The following DYSF variants were observed in gnomAD, a reference collection of about 807,000 sequenced individuals.
DYSF encodes the protein dystrophy-associated fer-1-like 1.
Under a neutral mutation model 274.9 loss-of-function variants are expected in DYSF, and 212 were observed. The ratio of observed to expected loss-of-function variants is 0.77; its 90% CI spans 0.69 to 0.86. The LOEUF (loss-of-function observed/expected upper bound fraction) is 0.86. Ranked by LOEUF, DYSF falls within the 40% of genes least tolerant of loss-of-function variation. The probability of loss-of-function intolerance (pLI) is 0.00; values close to 1 mark genes in which losing one functional copy is unlikely to be tolerated. For missense variants in DYSF, 2,666 were observed against 2,783.2 expected (o/e 0.96, Z 0.95); for synonymous variants, 1,091 against 1,078.7 (o/e 1.01, Z -0.22).
intron 3 of DYSF, among the ~76,000 whole-genome samples, chr2:71,489,960 A>G (rs2083686000): frequency 6.6e-6 from 1 of 152,172 alleles, no homozygotes; most frequent in Non-Finnish European, 1.5e-5. Flanking sequence ...AAATAATATA[A>G]TGCATGTGTG....
At chr2:71,496,551 C>T (rs78336103) in intron 3 of DYSF, among the ~76,000 whole-genome samples, 1,664 of 152,126 alleles carry the variant, frequency 0.011, 17 homozygotes, top group Non-Finnish European at 0.013. Flanking sequence ...GTCTATGTAC[C>T]GACATAGACG....
intron 1 of DYSF, among the ~76,000 whole-genome samples, chr2:71,472,627 G>C (rs369505749): frequency 3.5e-3 from 534 of 152,206 alleles, no homozygotes; most frequent in African/African-American, 6.0e-3. Flanking sequence ...AGGATGGTCT[G>C]GATCTCCTGA....
chr2:71,520,789 G>T lies in DYSF; in HGVS notation c.1034G>T (p.Arg345Leu), dbSNP rs1295378891. 6.2e-7 allele frequency: 1 copy of T among 1,613,768 alleles called. No homozygotes were observed. Among genetic ancestry groups the T allele is most frequent in the Non-Finnish European group, 8.5e-7 (1 of 1,179,868 alleles). Residue 345 changes from arginine to leucine, a missense_variant and splice_region_variant, in exon 12 of 56, where the codon CGG (arginine) becomes CTG (leucine). Physicochemically the swap from Arg to Leu is moderately radical, Grantham distance 102 (BLOSUM62 -2). This residue lies in a region of DYSF where 794 missense variants were observed against 777.1 expected (regional missense o/e 1.02). Transcript: ENST00000410020. ...CACCAGAGGATGTTGTCTCTCTTAG[G>T]GCACGCCTATCTCAGGAAGTGGCTG... ...MDVGTIYREP[R>L]HAYLRKWLLL...
chr2:71,613,498 A>G, intron 40 of DYSF, 88 bp downstream of exon 40: 1 of 1,142,434 alleles, frequency 8.8e-7, no homozygotes, highest in African/African-American at 1.5e-5. Context: ...ACCCTTCATT[A>G]TCACACAGCC....
At chr2:71,677,535 A>G (rs1008097537) in intron 52 of DYSF, among the ~76,000 whole-genome samples, 1 of 152,188 alleles carries the variant, frequency 6.6e-6, no homozygotes, top group African/African-American at 2.4e-5. Flanking sequence ...ATCCTGGGAG[A>G]TGATAGATAA....
intron 55 of DYSF, among the ~76,000 whole-genome samples, chr2:71,683,268 TC>T (rs1230332413): frequency 2.9e-4 from 44 of 152,214 alleles, no homozygotes; most frequent in African/African-American, 1.0e-3. Context: ...CATTTGGGTT[TC>T]CTTTCACTTG....
intron 32 of DYSF, among the ~76,000 whole-genome samples, chr2:71,594,653 T>C (rs2093357284): frequency 6.6e-6 from 1 of 152,090 alleles, no homozygotes; most frequent in Non-Finnish European, 1.5e-5. Flanking sequence ...CTTCATCCCC[T>C]CAGCCAGACC....
At chr2:71,668,224 CT>C (rs2095052681) in intron 48 of DYSF, among the ~76,000 whole-genome samples, 1 of 152,204 alleles carries the variant, frequency 6.6e-6, no homozygotes, top group African/African-American at 2.4e-5. Flanking sequence ...GGCTACCGGC[CT>C]CCCCAAAGTG....
intron 30 of DYSF, chr2:71,576,242 C>A (rs994957109): frequency 6.5e-5 from 10 of 152,872 alleles, no homozygotes; most frequent in African/African-American, 1.9e-4. Context: ...AAAACAAAAA[C>A]CAAAGCAATG....
At chr2:71,472,956 G>A (rs565738648) in intron 1 of DYSF, among the ~76,000 whole-genome samples, 23 of 152,238 alleles carry the variant, frequency 1.5e-4, no homozygotes, top group African/African-American at 5.3e-4. Context: ...ATCTTCCCCA[G>A]TTCTAATGTA....
intron 3 of DYSF, among the ~76,000 whole-genome samples, chr2:71,489,694 C>T (rs902751764): frequency 3.3e-5 from 5 of 152,182 alleles, no homozygotes; most frequent in African/African-American, 1.2e-4. Context: ...GCCTGTCTCC[C>T]ACACCTGGAG....
At position 71,466,859 on chromosome 2, in the gene DYSF, T is replaced by C; in HGVS notation, c.17T>C (p.Leu6Pro). The C allele has an allele frequency of 6.5e-7, 1 of 1,542,570 alleles. No homozygotes were observed. The highest frequency in any genetic ancestry group is 8.8e-7 in the Non-Finnish European group (1 of 1,140,228). ...TGCCCAGCCATGCTGTGCTGCCTGC[T>C]GGTGAGGGCCAGCAACCTCCCCAGT... is the stretch of plus-strand genomic sequence containing the variant. The part of the protein sequence containing the change: MLCCL[L>P]VRASNLPSAK... Residue 6 changes from leucine to proline, a missense_variant, in exon 1 of 56, where the codon CTG becomes CCG. Transcript: ENST00000410020.
chr2:71,634,324 G>A (rs1471552210), intron 41 of DYSF, among the ~76,000 whole-genome samples: 1 of 152,228 alleles, frequency 6.6e-6, no homozygotes, highest in Non-Finnish European at 1.5e-5. Context: ...TTTGGAATGA[G>A]AAAACATACC....
intron 51 of DYSF, among the ~76,000 whole-genome samples, chr2:71,673,226 T>C (rs2095161035): frequency 6.6e-6 from 1 of 152,192 alleles, no homozygotes; most frequent in Admixed American, 6.5e-5. Flanking sequence ...AGAACAAGAC[T>C]GCGCTGGAAA....
chr2:71,678,885 A>C (rs2095259803), intron 52 of DYSF, among the ~76,000 whole-genome samples, 172 bp from the exon 53 acceptor site: 1 of 152,106 alleles, frequency 6.6e-6, no homozygotes, highest in African/African-American at 2.4e-5. Flanking sequence ...ATGGAATGGG[A>C]GACAATGGGT....
At chr2:71,519,044 G>T (rs965492542) in intron 10 of DYSF, among the ~76,000 whole-genome samples, 11 of 125,206 alleles carry the variant, frequency 8.8e-5, no homozygotes, top group Admixed American at 8.5e-4. Flanking sequence ...AGTGAGCCAA[G>T]ATCGCACCAT....
chr2:71,587,904 T>C (rs1335019947), intron 30 of DYSF, among the ~76,000 whole-genome samples: 2 of 152,206 alleles, frequency 1.3e-5, no homozygotes, highest in African/African-American at 4.8e-5. Flanking sequence ...ATAGAGGGAC[T>C]CAGCCTTTCC....
intron 30 of DYSF, among the ~76,000 whole-genome samples, chr2:71,574,860 T>C (rs2092648109): frequency 6.6e-6 from 1 of 152,054 alleles, no homozygotes; most frequent in Non-Finnish European, 1.5e-5. Flanking sequence ...CTGCCCAGGG[T>C]GCGCTTTCTG....
intron 17 of DYSF, among the ~76,000 whole-genome samples, chr2:71,540,118 T>C (rs1338805810): frequency 6.6e-6 from 1 of 150,684 alleles, no homozygotes; most frequent in East Asian, 1.9e-4. Context: ...TTTTTTCTTT[T>C]TTTTTTTTTT....
Sources: gnomAD v4.1 joint callset for allele counts (sites outside exome capture counted in the v4.1 genomes callset) on GRCh38, gnomAD v4.1.1 for gene constraint, gnomAD v4.1.1 regional missense constraint, MANE v1.5 for transcripts, NCBI Gene and HGNC (gene_info 2026-07-23, HGNC 2026-07-21) for gene names.